Variants in RDH11 observed in about 807,000 individuals in gnomAD.
The protein encoded by RDH11 is retinol dehydrogenase 11.
In RDH11, 19 loss-of-function variants were observed where a neutral mutation model predicts 33.4. That is an observed-to-expected ratio of 0.57 (90% CI 0.40 to 0.83). RDH11 has a LOEUF of 0.83. RDH11 is among the 40% of genes least tolerant of loss of function. RDH11 has a pLI of 0.00. For synonymous variants in RDH11, 154 were observed against 155.3 expected (o/e 0.99, Z 0.06); for missense variants, 353 against 389.0 (o/e 0.91, Z 0.78).
Position 67,685,108 on chromosome 14 carries a change from G to A in RDH11, c.761C>T (p.Ser254Phe). 3.7e-6 allele frequency: 6 copies of A among 1,614,120 alleles called. No individual in the cohort carries two copies. The highest frequency in any genetic ancestry group is 3.4e-6 in the Non-Finnish European group (4 of 1,180,022). ...CTGCTGAGGAGTCTTGATGAAAAAGGAGAAAAGCCACCACATCCATCTCAT... is the reference window on the plus strand; with the variant it reads ...CTGCTGAGGAGTCTTGATGAAAAAGAAGAAAAGCCACCACATCCATCTCAT... ...SFMRWMWWLF[S>F]FFIKTPQQGA... Residue 254 changes from serine (S) to phenylalanine (F), a missense_variant, in exon 6 of 7, where the codon TCC becomes TTC. Transcript: ENST00000381346.
chr14:67,684,816 A>G, intron 6 of RDH11, 199 bp downstream of exon 6: 1 of 454,962 alleles, frequency 2.2e-6, no homozygotes, highest in Non-Finnish European at 3.9e-6. Context: ...AATTATCAGT[A>G]TAAAAGATGG....
chr14:67,688,598 C>CTTTT (rs34047695), intron 5 of RDH11, among the ~76,000 whole-genome samples: 4 of 136,538 alleles, frequency 2.9e-5, no homozygotes, highest in East Asian at 2.2e-4. Context: ...GCTTTGAACT[C>CTTTT]TTTTTTTTTT....
In RDH11 at chr14:67,678,106, C is replaced by G. The variant is rs1321417824; in HGVS notation, c.*215G>C. The G allele has an allele frequency of 2.0e-6, 1 of 490,964 alleles. No individual in the cohort carries two copies. Among genetic ancestry groups the G allele is most frequent in the Admixed American group, 3.4e-5 (1 of 29,178 alleles). The allele number at this position is 490,964 out of a possible 1,614,324, so 30.4% of individuals were successfully genotyped here. A position where few individuals can be genotyped will look rare whatever the true frequency, so the allele number is the denominator to read the frequency against. On this transcript the variant is annotated 3_prime_UTR_variant, in exon 7 of 7. Transcript: ENST00000381346. ...TCCTATTATGATATCTCTAGTAACT[C>G]TGGCAGTAACAGAAGCAAAGTAAAT... is the stretch of plus-strand genomic sequence containing the variant.
Position 67,678,199 on chromosome 14 carries a change from A to C in RDH11, c.*122T>G. ...GTTTTAACTGGACACCAAGCAGGCA[A>C]GGCTGGAAGGTTTTGCTCTCTTTGT... On this transcript the variant is annotated 3_prime_UTR_variant, in exon 7 of 7. Transcript: ENST00000381346. The C allele has an allele frequency of 7.5e-6, 5 of 662,538 alleles. No homozygotes were observed. The South Asian group carries it at 8.9e-5, about 12-fold the overall frequency. The allele number at this position is 662,538 out of a possible 1,614,324, so 41.0% of individuals were successfully genotyped here. A position where few individuals can be genotyped will look rare whatever the true frequency, so the allele number is the denominator to read the frequency against.
chr14:67,685,301 A>AT lies in RDH11; in HGVS notation c.665-98dup, dbSNP rs560394826. ...ATGTAAATAAGCATGTGACCTTCAC[A>AT]TATGGACTCTTTTGCCCATGGTGAC... On this transcript the variant is annotated intron_variant, in intron 5 of 6. Coordinates refer to ENST00000381346, the MANE Select transcript of RDH11 (RefSeq NM_016026.4). 86 of 921,954 alleles carry AT rather than the reference A, an allele frequency of 9.3e-5. No homozygotes were observed. The Admixed American group carries it at 1.7e-3, about 18-fold the overall frequency. 57.1% of individuals were successfully genotyped at this position (921,954 alleles called of 1,614,324 possible).
chr14:67,692,915 T>A lies in RDH11; in HGVS notation c.193+19A>T, dbSNP rs553584843. ...TAAAACAGCAGTAATAGGAGGGAAT[T>A]GAAAGGAGGTGAACTTGCCTCTCTG... is the stretch of plus-strand genomic sequence containing the variant. On this transcript the variant is annotated intron_variant, in intron 2 of 6. Transcript: ENST00000381346. 1 of 1,479,556 alleles carries A rather than the reference T, an allele frequency of 6.8e-7. No homozygotes were observed. The highest frequency in any genetic ancestry group is 1.4e-5 in the African/African-American group (1 of 72,194). The allele number at this position is 1,479,556 out of a possible 1,614,324, so 91.7% of individuals were successfully genotyped here.
chr14:67,678,219 C>G lies in RDH11; in HGVS notation c.*102G>C. The stretch of plus-strand genomic sequence containing the variant: ...AGGCAAGGCTGGAAGGTTTTGCTCT[C>G]TTTGTGCTAAAGGTTTTGAAAACCT... On this transcript the variant is annotated 3_prime_UTR_variant, in exon 7 of 7. Coordinates refer to ENST00000381346, the MANE Select transcript of RDH11 (RefSeq NM_016026.4). 2.5e-6 allele frequency: 2 copies of G among 793,732 alleles called. No homozygotes were observed. The highest frequency in any genetic ancestry group is 4.3e-6 in the Non-Finnish European group (2 of 466,956). The allele number at this position is 793,732 out of a possible 1,614,324, so 49.2% of individuals were successfully genotyped here. A position where few individuals can be genotyped will look rare whatever the true frequency, so the allele number is the denominator to read the frequency against.
chr14:67,693,505 C>T (rs1030272001), intron 1 of RDH11, among the ~76,000 whole-genome samples: 6 of 144,696 alleles, frequency 4.1e-5, no homozygotes, highest in Admixed American at 6.9e-5. Context: ...GACTCTGGGA[C>T]AAAATAAACA....
chr14:67,691,422 A>G (rs2037749416), intron 3 of RDH11, 178 bp from the exon 4 acceptor site: 1 of 550,458 alleles, frequency 1.8e-6, no homozygotes, highest in African/African-American at 1.9e-5. Flanking sequence ...AATCCCACCT[A>G]CTTTTACTAT....
In RDH11 at chr14:67,695,682, G is replaced by A. The variant is rs2037822659; in HGVS notation, c.22C>T (p.Leu8=). ...AGGAAGGGCAGAAGGAGGAGCAACA[G>A]CGGGAACATGAGCTCAACCATCTCT... The part of the protein sequence containing the change: MVELMFP[L]LLLLLPFLLY... Residue 8 remains leucine (L), a synonymous_variant, in exon 1 of 7, where the codon CTG becomes TTG. Coordinates refer to ENST00000381346, the MANE Select transcript of RDH11 (RefSeq NM_016026.4). 1 of 1,614,204 alleles carries A rather than the reference G, an allele frequency of 6.2e-7. No individual in the cohort carries two copies. The highest frequency in any genetic ancestry group is 1.3e-5 in the African/African-American group (1 of 75,082).
At chr14:67,694,309 T>G (rs1363987226) in intron 1 of RDH11, among the ~76,000 whole-genome samples, 2 of 151,954 alleles carry the variant, frequency 1.3e-5, no homozygotes, top group African/African-American at 4.8e-5. Flanking sequence ...GAGTGACAAC[T>G]TAGTAGGACC....
intron 6 of RDH11, among the ~76,000 whole-genome samples, chr14:67,679,174 T>C (rs530475708): frequency 5.9e-5 from 9 of 152,108 alleles, no homozygotes; most frequent in Non-Finnish European, 1.2e-4. Context: ...GGGACACAAG[T>C]CATCCTTTAA....
chr14:67,692,933 C>T lies in RDH11; in HGVS notation c.193+1G>A. 2 of 1,599,894 alleles carry T rather than the reference C, an allele frequency of 1.3e-6. No individual in the cohort carries two copies. Among genetic ancestry groups the T allele is most frequent in the Non-Finnish European group, 1.7e-6 (2 of 1,167,696 alleles). On this transcript the variant is annotated splice_donor_variant, in intron 2 of 6. Transcript: ENST00000381346. LOFTEE classifies it high-confidence loss of function. ...AGGGAATTGAAAGGAGGTGAACTTG[C>T]CTCTCTGAGCCAGCTCTTTGGCTGT...
chr14:67,688,024 C>T lies in RDH11; in HGVS notation c.664+2188G>A, dbSNP rs139688173. 2.8e-3 allele frequency among the ~76,000 whole-genome samples: 430 copies of T among 152,242 alleles called. 3 individuals carry two copies. Among genetic ancestry groups the T allele is most frequent in the African/African-American group, 9.5e-3 (393 of 41,550 alleles). ...CTGACCTCAGGTGATCCACCAGCCT[C>T]GGCCTCCCAAAGTGCTGGGATTACA... On this transcript the variant is annotated intron_variant, in intron 5 of 6. Transcript: ENST00000381346.
chr14:67,695,727 G>A lies in RDH11; in HGVS notation c.-24C>T, dbSNP rs774179258. On this transcript the variant is annotated 5_prime_UTR_variant, in exon 1 of 7. Transcript: ENST00000381346. ...ATCTCTGCCGGCTGCAGCGGCACCA[G>A]AGCGGGATGCTCCAGCGTTGCTCGC... 9 of 1,611,296 alleles carry A rather than the reference G, an allele frequency of 5.6e-6. No homozygotes were observed. The highest frequency in any genetic ancestry group is 5.0e-5 in the Admixed American group (3 of 59,930).
In RDH11 at chr14:67,692,587, C is replaced by T. The variant is rs150964554; in HGVS notation, c.200G>A (p.Arg67Gln). ...CACATCCCGGCAAGCTAAATATACTCGAGCTCCTGTCAGCCAACATATGAA... is the reference window on the plus strand; with the variant it reads ...CACATCCCGGCAAGCTAAATATACTTGAGCTCCTGTCAGCCAACATATGAA... The part of the protein sequence containing the change: ...TAKELAQRGA[R>Q]VYLACRDVEK... Residue 67 changes from arginine to glutamine, a missense_variant, in exon 3 of 7, where the codon CGA (arginine) becomes CAA (glutamine). Arg to Gln is a conservative substitution (Grantham distance 43). Transcript: ENST00000381346. 1.8e-5 allele frequency: 29 copies of T among 1,572,250 alleles called. No individual in the cohort carries two copies. In the African/African-American group the frequency reaches 2.6e-4, roughly 14 times the overall value.
At position 67,691,261 on chromosome 14, in the gene RDH11, A is replaced by G. The variant is rs766637058; in HGVS notation, c.350-17T>C. 2 of 1,592,048 alleles carry G rather than the reference A, an allele frequency of 1.3e-6. No individual in the cohort carries two copies. ...GCTTTTCCTCTGCAGGGACAAGACG[A>G]TGGAGCGTGGAAGTGGCTAGCCAAG... On this transcript the variant is annotated splice_polypyrimidine_tract_variant and intron_variant, in intron 3 of 6. Coordinates refer to ENST00000381346, the MANE Select transcript of RDH11 (RefSeq NM_016026.4).
At chr14:67,689,888 T>C (rs1594851530) in intron 5 of RDH11, among the ~76,000 whole-genome samples, 1 of 151,622 alleles carries the variant, frequency 6.6e-6, no homozygotes, top group East Asian at 1.9e-4. Context: ...AGGTCGGCAG[T>C]GAGCCGAGAT....
chr14:67,685,425 G>A (rs1395935481), intron 5 of RDH11, among the ~76,000 whole-genome samples: 1 of 152,136 alleles, frequency 6.6e-6, no homozygotes, highest in Non-Finnish European at 1.5e-5. Context: ...TTTCTGACTG[G>A]AAACTCAAGT....
Sources: gnomAD v4.1 joint callset for allele counts (sites outside exome capture counted in the v4.1 genomes callset) on GRCh38, gnomAD v4.1.1 for gene constraint, MANE v1.5 for transcripts, NCBI Gene and HGNC (gene_info 2026-07-23, HGNC 2026-07-21) for gene names.